The following ZNF385C variants were observed in gnomAD, a reference collection of about 807,000 sequenced individuals.
ZNF385C encodes zinc finger protein 385C, also known as CTD-2132N18.2.
A neutral mutation model predicts 35.4 loss-of-function variants in ZNF385C; 28 were observed. The ratio of observed to expected loss-of-function variants is 0.79; its 90% CI spans 0.59 to 1.08. The LOEUF is 1.08. ZNF385C is among the 50% of genes least tolerant of loss of function. ZNF385C has a pLI of 0.00. For missense variants in ZNF385C, 605 were observed against 595.6 expected (o/e 1.02, Z -0.16); for synonymous variants, 248 against 248.2 (o/e 1.00, Z 0.01).
chr17:42,064,537 G>A (rs1037029781), intron 1 of ZNF385C, among the ~76,000 whole-genome samples: 8 of 151,980 alleles, frequency 5.3e-5, no homozygotes, highest in African/African-American at 1.7e-4. Flanking sequence ...AGGTCATACC[G>A]GTGGGCCCTA....
At chr17:42,098,167 C>T (rs1237647361) in intron 1 of ZNF385C, among the ~76,000 whole-genome samples, 1 of 152,232 alleles carries the variant, frequency 6.6e-6, no homozygotes, top group Non-Finnish European at 1.5e-5. Context: ...CTTTCTTTTC[C>T]ATCCTTTGGA....
At chr17:42,046,128 A>C (rs2053155912) in intron 2 of ZNF385C, among the ~76,000 whole-genome samples, 2 of 152,126 alleles carry the variant, frequency 1.3e-5, no homozygotes, top group Non-Finnish European at 2.9e-5. Context: ...AGTTCCCCAC[A>C]GCTCCCTATG....
chr17:42,029,727 C>CAA (rs1363293926), intron 5 of ZNF385C, among the ~76,000 whole-genome samples: 1 of 149,776 alleles, frequency 6.7e-6, no homozygotes, highest in African/African-American at 2.5e-5. Flanking sequence ...AACAAACAAA[C>CAA]AAACAAAAAA....
intron 2 of ZNF385C, chr17:42,041,006 G>A: frequency 4.9e-6 from 6 of 1,232,300 alleles, no homozygotes; most frequent in Non-Finnish European, 6.1e-6. Flanking sequence ...TCGCCCTCCT[G>A]TAGCTCCACA....
chr17:42,079,203 A>AATAT (rs1324670360), intron 1 of ZNF385C, among the ~76,000 whole-genome samples: 4 of 113,822 alleles, frequency 3.5e-5, no homozygotes, highest in Non-Finnish European at 5.1e-5. Context: ...AAAAAAAAAA[A>AATAT]ATATATATAT....
intron 1 of ZNF385C, among the ~76,000 whole-genome samples, chr17:42,085,435 A>AT (rs1186907078): frequency 1.4e-5 from 2 of 146,532 alleles, no homozygotes; most frequent in East Asian, 4.0e-4. Context: ...CGTCCGGCTA[A>AT]TTTTTTTCTT....
At chr17:42,085,664 C>A (rs2053798896) in intron 1 of ZNF385C, among the ~76,000 whole-genome samples, 1 of 145,828 alleles carries the variant, frequency 6.9e-6, no homozygotes, top group Admixed American at 7.0e-5. Context: ...GTGGCGCGAT[C>A]TCGGCTCACT....
intron 2 of ZNF385C, among the ~76,000 whole-genome samples, chr17:42,052,148 G>T (rs1281971844): frequency 6.6e-6 from 1 of 152,138 alleles, no homozygotes; most frequent in Non-Finnish European, 1.5e-5. Context: ...CAAGAGGGTG[G>T]GGTGTGGTCA....
chr17:42,093,086 G>A (rs1297566653), intron 1 of ZNF385C, among the ~76,000 whole-genome samples: 1 of 152,232 alleles, frequency 6.6e-6, no homozygotes, highest in East Asian at 1.9e-4. Context: ...CCGCTCCTGT[G>A]CAAGAAGCCG....
At chr17:42,043,066 C>G (rs1325502015) in intron 2 of ZNF385C, 1 of 1,232,280 alleles carries the variant, frequency 8.1e-7, no homozygotes, top group Non-Finnish European at 1.0e-6. Context: ...GGCCCCTCCA[C>G]CTTCAGCCTG....
intron 2 of ZNF385C, among the ~76,000 whole-genome samples, chr17:42,045,390 C>T (rs1387866061): frequency 5.9e-5 from 9 of 152,268 alleles, no homozygotes; most frequent in Non-Finnish European, 1.3e-4. Flanking sequence ...CCTGTGTCCT[C>T]GTCTTCATGC....
rs112306488 is a variant in ZNF385C, at chr17:42,074,394, A to ATT, written c.-2-11338_-2-11337dup. ...TATTTCAATAAAGCAGTTACTAAAG[A>ATT]TTTTTTTTTTTTTTTGAGACGGAGT... On this transcript the variant is annotated intron_variant, in intron 1 of 8. Transcript: ENST00000692273. Among the ~76,000 whole-genome samples the ATT allele has an allele frequency of 6.3e-3, 921 of 145,962 alleles. 10 individuals are homozygous for ATT. The highest frequency in any genetic ancestry group is 0.021 in the African/African-American group (816 of 39,748).
chr17:42,046,114 C>G (rs549260799), intron 2 of ZNF385C, among the ~76,000 whole-genome samples: 1 of 152,328 alleles, frequency 6.6e-6, no homozygotes, highest in East Asian at 1.9e-4. Flanking sequence ...GGTAGCCATC[C>G]TCTAGTTCCC....
chr17:42,053,584 T>C (rs1328189475), intron 2 of ZNF385C, among the ~76,000 whole-genome samples: 2 of 152,164 alleles, frequency 1.3e-5, no homozygotes, highest in African/African-American at 2.4e-5. Flanking sequence ...AGCACCCCTG[T>C]TTCCCGCAGG....
intron 1 of ZNF385C, among the ~76,000 whole-genome samples, chr17:42,083,613 G>A (rs2053772709): frequency 7.0e-6 from 1 of 143,334 alleles, no homozygotes; most frequent in South Asian, 2.2e-4. Context: ...ATCCTGTGTT[G>A]TCTTTATTAA....
intron 2 of ZNF385C, chr17:42,043,352 C>T (rs996180885): frequency 8.1e-7 from 1 of 1,232,260 alleles, no homozygotes; most frequent in South Asian, 4.1e-5. Context: ...GCCTCTCCCG[C>T]TGGTTTCTTC....
In ZNF385C at chr17:42,028,150, T is replaced by C; in HGVS notation, c.1064A>G (p.Lys355Arg). 6.2e-7 allele frequency: 1 copy of C among 1,610,914 alleles called. No individual in the cohort carries two copies. The highest frequency in any genetic ancestry group is 8.5e-7 in the Non-Finnish European group (1 of 1,178,962). ...VSRGGAGHKA[K>R]RVTGGRGGRQ... ...GCCGCCCCGGCCCCCTGTGACTCTC[T>C]TGGCTTTGTGTCCGGCACCTCCCCT... Residue 355 changes from lysine (K) to arginine (R), a missense_variant, in exon 7 of 9, where the codon AAG becomes AGG. Physicochemically the swap from Lys to Arg is conservative, Grantham distance 26. Coordinates refer to ENST00000692273, the MANE Select transcript of ZNF385C (RefSeq NM_001392013.1).
At chr17:42,029,166 G>A in intron 5 of ZNF385C, 93 bp from the exon 6 acceptor site, 1 of 1,395,626 alleles carries the variant, frequency 7.2e-7, no homozygotes, top group Non-Finnish European at 9.5e-7. Flanking sequence ...AGGGCCCCTG[G>A]TGGATGACCA....
intron 2 of ZNF385C, among the ~76,000 whole-genome samples, chr17:42,052,787 T>G (rs1318573716): frequency 6.6e-6 from 1 of 152,112 alleles, no homozygotes; most frequent in Admixed American, 6.5e-5. Flanking sequence ...CACACTCCCC[T>G]TACAAAGTTA....
Sources: gnomAD v4.1 joint callset for allele counts (sites outside exome capture counted in the v4.1 genomes callset) on GRCh38, gnomAD v4.1.1 for gene constraint, MANE v1.5 for transcripts, NCBI Gene and HGNC (gene_info 2026-07-23, HGNC 2026-07-21) for gene names.